Variants in ANKRD31 observed in about 807,000 individuals in gnomAD.
ANKRD31 encodes ankyrin repeat domain-containing protein 31.
In ANKRD31, 147 loss-of-function variants were observed where a neutral mutation model predicts 186.0. The ratio of observed to expected loss-of-function variants is 0.79; its 90% CI spans 0.69 to 0.91. The LOEUF is 0.91. Ranked by LOEUF, ANKRD31 falls within the 40% of genes least tolerant of loss-of-function variation. The pLI is 0.00. For synonymous variants in ANKRD31, 673 were observed against 736.4 expected, an observed-to-expected ratio of 0.91 and a Z score of 1.39; for missense variants, 1,986 against 2,148.8, an observed-to-expected ratio of 0.92 and a Z score of 1.50.
chr5:75,132,667 G>T (rs1010499465), intron 17 of ANKRD31, among the ~76,000 whole-genome samples: 1 of 151,940 alleles, frequency 6.6e-6, no homozygotes, highest in Non-Finnish European at 1.5e-5. Flanking sequence ...TACAGAGAAC[G>T]CCACAAAGAT....
chr5:75,197,800 T>C (rs1416930669), intron 6 of ANKRD31, among the ~76,000 whole-genome samples: 1 of 152,176 alleles, frequency 6.6e-6, no homozygotes, highest in Non-Finnish European at 1.5e-5. Context: ...ACAAATAATG[T>C]CATAGAACAC....
At chr5:75,160,353 T>C (rs1752491957) in intron 11 of ANKRD31, among the ~76,000 whole-genome samples, 1 of 151,938 alleles carries the variant, frequency 6.6e-6, no homozygotes, top group African/African-American at 2.4e-5. Flanking sequence ...AAAAAAATCA[T>C]TAAAGGAATT....
intron 11 of ANKRD31, among the ~76,000 whole-genome samples, chr5:75,167,889 G>A (rs1023531141): frequency 6.6e-6 from 1 of 152,076 alleles, no homozygotes; most frequent in African/African-American, 2.4e-5. Context: ...GAGCAAATGG[G>A]CTATGGTGTT....
chr5:75,168,109 A>G (rs1433846034), intron 11 of ANKRD31, among the ~76,000 whole-genome samples: 1 of 151,258 alleles, frequency 6.6e-6, no homozygotes, highest in Non-Finnish European at 1.5e-5. Context: ...TGAAAAACAA[A>G]CAACAAAAAA....
At chr5:75,227,653 A>C in intron 2 of ANKRD31, among the ~76,000 whole-genome samples, 1 of 152,228 alleles carries the variant, frequency 6.6e-6, no homozygotes, top group East Asian at 1.9e-4. Context: ...AAACAATTTC[A>C]TTCTACCATA....
intron 12 of ANKRD31, among the ~76,000 whole-genome samples, chr5:75,152,009 A>C (rs535343435): frequency 1.3e-5 from 2 of 152,158 alleles, no homozygotes; most frequent in East Asian, 1.9e-4. Context: ...CTTCATAGAA[A>C]ATAAATTCCA....
At chr5:75,092,680 A>G (rs953769079) in intron 22 of ANKRD31, among the ~76,000 whole-genome samples, 7 of 152,322 alleles carry the variant, frequency 4.6e-5, no homozygotes, top group Admixed American at 1.3e-4. Context: ...GTCCAGTTCC[A>G]ACAAAAAGTT....
intron 17 of ANKRD31, 62 bp from the exon 18 acceptor site, chr5:75,118,359 A>G (rs1748468572): frequency 7.8e-7 from 1 of 1,285,962 alleles, no homozygotes; most frequent in Non-Finnish European, 1.0e-6. Context: ...TTCTGTTTTC[A>G]TCACAAACAC....
chr5:75,230,149 G>A (rs1757865246), intron 2 of ANKRD31, among the ~76,000 whole-genome samples: 1 of 152,116 alleles, frequency 6.6e-6, no homozygotes, highest in Admixed American at 6.5e-5. Context: ...CTTGAGCCCT[G>A]AGCACGGGCT....
intron 20 of ANKRD31, among the ~76,000 whole-genome samples, chr5:75,108,093 G>A (rs1227832655): frequency 6.6e-6 from 1 of 151,636 alleles, no homozygotes. Context: ...TATTCAACAA[G>A]GGTGGTTACT....
chr5:75,105,711 T>C (rs1580337828), intron 21 of ANKRD31, among the ~76,000 whole-genome samples: 1 of 152,292 alleles, frequency 6.6e-6, no homozygotes, highest in African/African-American at 2.4e-5. Context: ...AAGATTGTTT[T>C]GTGAATAATC....
chr5:75,133,267 T>C lies in ANKRD31; in HGVS notation c.3876+4589A>G, dbSNP rs149992516. 2.2e-4 allele frequency among the ~76,000 whole-genome samples: 33 copies of C among 152,096 alleles called. No individual in the cohort carries two copies. The East Asian group carries it at 5.8e-3, about 27-fold the overall frequency. ...CAGTGTGCTCTATTCAAGAGACCCA[T>C]CTCACGTGCAGAGACACACATAGGC... On this transcript the variant is annotated intron_variant, in intron 17 of 25. Coordinates refer to ENST00000506364, the MANE Select transcript of ANKRD31 (RefSeq NM_001372053.1).
chr5:75,212,141 T>C (rs1756688852), intron 3 of ANKRD31, among the ~76,000 whole-genome samples: 1 of 152,200 alleles, frequency 6.6e-6, no homozygotes, highest in Non-Finnish European at 1.5e-5. Flanking sequence ...CTCCTTTCCA[T>C]ACATACACAA....
At chr5:75,225,402 T>C (rs1757570617) in intron 2 of ANKRD31, 1 of 158,994 alleles carries the variant, frequency 6.3e-6, no homozygotes, top group African/African-American at 2.4e-5. Context: ...GTCAACAAAA[T>C]CCCCAAGGAC....
chr5:75,103,069 T>G (rs919926863), intron 22 of ANKRD31, among the ~76,000 whole-genome samples: 1 of 152,172 alleles, frequency 6.6e-6, no homozygotes, highest in African/African-American at 2.4e-5. Flanking sequence ...CCTCCAATCC[T>G]TTAATCCATC....
Position 75,236,673 on chromosome 5 carries a change from A to G in ANKRD31, c.14T>C (p.Val5Ala). 1.3e-6 allele frequency: 2 copies of G among 1,536,110 alleles called. No homozygotes were observed. The highest frequency in any genetic ancestry group is 1.7e-6 in the Non-Finnish European group (2 of 1,146,272). MEEG[V>A]QAPDWDSDET... ...ATCACTGTCCCAGTCTGGGGCCTGG[A>G]CGCCTTCCTCCATCTTTGCCTCACA... Residue 5 changes from valine (V) to alanine (A), a missense_variant, in exon 1 of 26, where the codon GTC (valine) becomes GCC (alanine). Transcript: ENST00000506364.
intron 22 of ANKRD31, among the ~76,000 whole-genome samples, chr5:75,101,690 C>T (rs1194544901): frequency 1.3e-5 from 2 of 152,156 alleles, no homozygotes; most frequent in Admixed American, 6.5e-5. Context: ...TCTTCAATCA[C>T]TGATATCTTT....
intron 17 of ANKRD31, among the ~76,000 whole-genome samples, chr5:75,134,641 G>A (rs947466769): frequency 2.0e-5 from 3 of 152,196 alleles, no homozygotes; most frequent in East Asian, 3.9e-4. Context: ...AGAAAAAGAG[G>A]GAATCCTCCC....
At chr5:75,168,818 C>T (rs1396278573) in intron 11 of ANKRD31, among the ~76,000 whole-genome samples, 161 bp downstream of exon 11, 1 of 152,098 alleles carries the variant, frequency 6.6e-6, no homozygotes, top group Non-Finnish European at 1.5e-5. Context: ...TTACACACAA[C>T]AAACCCATCA....
Sources: allele counts gnomAD v4.1 joint callset (sites outside exome capture counted in the v4.1 genomes callset), GRCh38; gene constraint gnomAD v4.1.1; transcripts MANE v1.5; gene names NCBI Gene and HGNC (gene_info 2026-07-23, HGNC 2026-07-21).